The following PALB2 variants were observed in gnomAD, a reference collection of about 807,000 sequenced individuals.
The protein encoded by PALB2 is partner and localizer of BRCA2, also known as mutant partner and localizer of BRCA2.
Under a neutral mutation model 107.4 loss-of-function variants are expected in PALB2, and 82 were observed. That is an observed-to-expected ratio of 0.76 (90% confidence interval 0.64 to 0.92). The LOEUF is 0.92. PALB2 is among the 40% of genes least tolerant of loss of function. PALB2 has a pLI of 0.00. For missense variants in PALB2, 1,374 were observed against 1,379.9 expected, an observed-to-expected ratio of 1.00 and a Z score of 0.07; for synonymous variants, 489 against 496.8, an observed-to-expected ratio of 0.98 and a Z score of 0.21.
intron 12 of PALB2, among the ~76,000 whole-genome samples, chr16:23,606,494 C>T (rs1966477188): frequency 6.6e-6 from 1 of 152,156 alleles, no homozygotes; most frequent in Non-Finnish European, 1.5e-5. Flanking sequence ...TCCAAAAAAA[C>T]ATGTATTGTA....
rs45572434 is a variant in PALB2 at position 23,638,100 on chromosome 16, C to T, written c.78G>A (p.Arg26=). ...KLKEKLAFLK[R]EYSKTLARLQ... The stretch of plus-strand genomic sequence containing the variant: ...GGCGGGCTAGTGTCTTGCTGTATTC[C>T]CTTTTCAAGAATGCTAATTTCTCCT... Residue 26 remains arginine (R), a synonymous_variant, in exon 2 of 13, where the codon AGG becomes AGA. Coordinates refer to ENST00000261584, the MANE Select transcript of PALB2 (RefSeq NM_024675.4). The T allele has an allele frequency of 3.1e-6, 5 of 1,613,848 alleles. No individual in the cohort carries two copies. The highest frequency in any genetic ancestry group is 4.2e-6 in the Non-Finnish European group (5 of 1,179,940).
At chr16:23,623,200 CTTTTTTTTTTTTT>C in intron 8 of PALB2, 70 bp from the exon 9 acceptor site, 2 of 781,382 alleles carry the variant, frequency 2.6e-6, no homozygotes, top group Middle Eastern at 3.7e-4. Flanking sequence ...ACTAGGTTCA[CTTTTTTTTTTTTT>C]TTTTTTTTGA....
At chr16:23,617,306 C>G (rs1567211144) in intron 10 of PALB2, among the ~76,000 whole-genome samples, 1 of 152,040 alleles carries the variant, frequency 6.6e-6, no homozygotes, top group Non-Finnish European at 1.5e-5. Flanking sequence ...GATTAATACA[C>G]CTTTGAGTAA....
At chr16:23,607,659 C>T (rs1432619842) in intron 12 of PALB2, among the ~76,000 whole-genome samples, 1 of 152,036 alleles carries the variant, frequency 6.6e-6, no homozygotes, top group Non-Finnish European at 1.5e-5. Flanking sequence ...CTATATAACC[C>T]CATACTAGTA....
chr16:23,610,395 G>T (rs1966563868), intron 11 of PALB2, among the ~76,000 whole-genome samples: 2 of 146,926 alleles, frequency 1.4e-5, no homozygotes, highest in Admixed American at 1.4e-4. Context: ...TGCAACCTCT[G>T]CCTCCTGGAT....
chr16:23,636,716 A>C (rs776432965), intron 3 of PALB2, among the ~76,000 whole-genome samples: 8 of 152,250 alleles, frequency 5.3e-5, no homozygotes, highest in Non-Finnish European at 1.2e-4. Flanking sequence ...TTAAACGAAC[A>C]GAGTATTCTT....
rs201042302 is a variant in PALB2 at position 23,629,794 on chromosome 16, G to C, written c.2360C>G (p.Thr787Ser). The C allele has an allele frequency of 6.2e-7, 1 of 1,614,192 alleles. No homozygotes were observed. Among genetic ancestry groups the C allele is most frequent in the Non-Finnish European group, 8.5e-7 (1 of 1,180,032 alleles). ...DSSGSPAKPH[T>S]TLQVSGRQGQ... ...TTGCCTGCCTGACACTTGCAGGGTGGTATGTGGTTTTGCTGGGCTGCCTGA... is the reference window on the plus strand; with the variant it reads ...TTGCCTGCCTGACACTTGCAGGGTGCTATGTGGTTTTGCTGGGCTGCCTGA... The change falls in exon 5 of 13, where the codon ACC (threonine) becomes AGC (serine). Residue 787 changes from threonine to serine, a missense_variant. Thr to Ser is a moderately conservative substitution (Grantham distance 58, BLOSUM62 1). Transcript: ENST00000261584.
chr16:23,621,951 T>G (rs796824281), intron 9 of PALB2, among the ~76,000 whole-genome samples: 1 of 152,320 alleles, frequency 6.6e-6, no homozygotes, highest in East Asian at 1.9e-4. Context: ...AGTAATTTTA[T>G]CTTCTCATCT....
chr16:23,626,144 A>G, intron 7 of PALB2, 92 bp downstream of exon 7: 2 of 1,424,648 alleles, frequency 1.4e-6, no homozygotes, highest in Non-Finnish European at 2.0e-6. Flanking sequence ...TCTGCCTTGC[A>G]TGGTCATAGC....
intron 6 of PALB2, among the ~76,000 whole-genome samples, chr16:23,627,210 G>A (rs947489748): frequency 1.8e-4 from 28 of 151,966 alleles, no homozygotes; most frequent in South Asian, 2.1e-4. Context: ...AATCACGGCC[G>A]GGCGCGGTGG....
In PALB2 at chr16:23,603,536, C is replaced by T. The variant is rs1060502752; in HGVS notation, c.3484G>A (p.Val1162Met). Residue 1162 changes from valine (V) to methionine (M), a missense_variant, in exon 13 of 13, where the codon GTG (valine) becomes ATG (methionine). Transcript: ENST00000261584. ...PPVSDQHWSF[V>M]KWSGTDSHLL... ...TGAGAGTCTGTACCCGACCATTTCACAAAAGACCAATGTTGGTCAGAGACA... is the reference window on the plus strand; with the variant it reads ...TGAGAGTCTGTACCCGACCATTTCATAAAAGACCAATGTTGGTCAGAGACA... The T allele has an allele frequency of 1.9e-6, 3 of 1,614,098 alleles. No homozygotes were observed. In the Admixed American group the frequency reaches 5.0e-5, roughly 27 times the overall value.
At chr16:23,613,364 C>T (rs1966621298) in intron 11 of PALB2, among the ~76,000 whole-genome samples, 1 of 152,130 alleles carries the variant, frequency 6.6e-6, no homozygotes, top group African/African-American at 2.4e-5. Context: ...AGCATGTTAG[C>T]TGGGCACTGT....
rs765742648 is a variant in PALB2, at chr16:23,624,107, AAGC to A, written c.2749-16_2749-14del. The A allele has an allele frequency of 2.1e-5, 32 of 1,560,728 alleles. No homozygotes were observed. The African/African-American group carries it at 4.1e-4, about 20-fold the overall frequency. On this transcript the variant is annotated splice_polypyrimidine_tract_variant and intron_variant, in intron 7 of 12. Coordinates refer to ENST00000261584, the MANE Select transcript of PALB2 (RefSeq NM_024675.4). ...GTAATACTGGAACCTAAATAAAACA[AAGC>A]AGCCAAAAATTATGCTTGGTTGTTT...
rs755495425 is a variant in PALB2 at position 23,608,059 on chromosome 16, T to C, written c.3202-47A>G. ...TATCCCAAATAGACTGTCAAGAGTATGTCAGGAAAAATAAAGATCTGGCAG... is the reference window on the plus strand; with the variant it reads ...TATCCCAAATAGACTGTCAAGAGTACGTCAGGAAAAATAAAGATCTGGCAG... On this transcript the variant is annotated intron_variant, in intron 11 of 12. Transcript: ENST00000261584. 4 of 1,586,420 alleles carry C rather than the reference T, an allele frequency of 2.5e-6. No homozygotes were observed. In the South Asian group the frequency reaches 4.4e-5, roughly 18 times the overall value.
intron 11 of PALB2, 84 bp from the exon 12 acceptor site, chr16:23,608,096 A>G (rs556132924): frequency 1.4e-6 from 2 of 1,440,944 alleles, no homozygotes; most frequent in East Asian, 4.6e-5. Flanking sequence ...GACAAAAACC[A>G]AACAATTAAA....
rs1022671943 is a variant in PALB2 at position 23,640,084 on chromosome 16, G to A, written c.48+1026C>T. Among the ~76,000 whole-genome samples, 13 of 152,232 alleles carry A rather than the reference G, an allele frequency of 8.5e-5. No individual in the cohort carries two copies. In the East Asian group the frequency reaches 1.9e-3, roughly 23 times the overall value. Reference sequence around the variant, plus strand: ...TTTTTGTATTTTTAGTAGAGACGGGGTTTCACTACGTTGCCTAGGCTGGTC... The same window carrying A: ...TTTTTGTATTTTTAGTAGAGACGGGATTTCACTACGTTGCCTAGGCTGGTC... On this transcript the variant is annotated intron_variant, in intron 1 of 12. Transcript: ENST00000261584.
chr16:23,622,753 T>C (rs189222327), intron 9 of PALB2, among the ~76,000 whole-genome samples: 1 of 152,306 alleles, frequency 6.6e-6, no homozygotes, highest in East Asian at 1.9e-4. Context: ...AAACTACATT[T>C]GCTGAGCCTC....
At chr16:23,616,168 C>T (rs1218354011) in intron 10 of PALB2, among the ~76,000 whole-genome samples, 4 of 152,124 alleles carry the variant, frequency 2.6e-5, no homozygotes, top group African/African-American at 9.7e-5. Flanking sequence ...GACGAATTCC[C>T]ATCCATTTCT....
intron 4 of PALB2, 113 bp from the exon 5 acceptor site, chr16:23,630,582 T>C: frequency 1.1e-6 from 1 of 873,510 alleles, no homozygotes. Flanking sequence ...AACATTTTAA[T>C]GAACCTTAAT....
Sources: gnomAD v4.1 joint callset for allele counts (sites outside exome capture counted in the v4.1 genomes callset) on GRCh38, gnomAD v4.1.1 for gene constraint, MANE v1.5 for transcripts, NCBI Gene and HGNC (gene_info 2026-07-23, HGNC 2026-07-21) for gene names.